The following CTNNA2 variants were observed in gnomAD, a reference collection of about 807,000 sequenced individuals.
The protein encoded by CTNNA2 is catenin alpha 2.
CTNNA2 carries 42 observed loss-of-function variants against 101.0 expected under a neutral mutation model. The ratio of observed to expected loss-of-function variants is 0.42; its 90% CI spans 0.32 to 0.54. The LOEUF (loss-of-function observed/expected upper bound fraction) is 0.54, where lower values mean the gene tolerates loss of function less well. Among genes scored for constraint, CTNNA2 ranks in the 20% least tolerant of loss-of-function variants. The probability of loss-of-function intolerance (pLI) is 0.14; values close to 1 mark genes in which losing one functional copy is unlikely to be tolerated. For synonymous variants in CTNNA2, 450 were observed against 456.4 expected (o/e 0.99, Z 0.18); for missense variants, 871 against 1,223.1 (o/e 0.71, Z 4.29).
intron 2 of CTNNA2, among the ~76,000 whole-genome samples, chr2:79,293,518 A>G (rs1401195369): frequency 6.6e-6 from 1 of 152,216 alleles, no homozygotes; most frequent in African/African-American, 2.4e-5. Context: ...CAAATCAAAT[A>G]AGTACATAGA....
intron 1 of CTNNA2, among the ~76,000 whole-genome samples, chr2:79,635,796 G>A (rs1205405168): frequency 6.6e-6 from 1 of 151,514 alleles, no homozygotes; most frequent in African/African-American, 2.4e-5. Flanking sequence ...GAGCCACCGT[G>A]CCCGGCCAAT....
intron 12 of CTNNA2, among the ~76,000 whole-genome samples, chr2:80,569,170 C>G (rs12328146): frequency 1.8e-4 from 28 of 152,292 alleles, no homozygotes; most frequent in African/African-American, 6.5e-4. Context: ...CCTGACGTCT[C>G]TCAGGAGAAT....
chr2:79,720,514 A>G (rs926719235), intron 2 of CTNNA2, among the ~76,000 whole-genome samples: 1 of 152,110 alleles, frequency 6.6e-6, no homozygotes, highest in Non-Finnish European at 1.5e-5. Flanking sequence ...TAATTCTTCC[A>G]ATCTATAAAC....
chr2:80,018,231 C>G (rs1237889762), intron 7 of CTNNA2, among the ~76,000 whole-genome samples: 1 of 152,166 alleles, frequency 6.6e-6, no homozygotes, highest in Admixed American at 6.5e-5. Flanking sequence ...AAGATACCTC[C>G]TGTCTCAAAA....
At chr2:80,317,016 C>T (rs76831677) in intron 7 of CTNNA2, among the ~76,000 whole-genome samples, 6,429 of 151,974 alleles carry the variant, frequency 0.042, 185 homozygotes, top group Middle Eastern at 0.075. Context: ...TGAGTTGACA[C>T]CTGAATGATG....
At chr2:80,182,895 C>A (rs1017963975) in intron 7 of CTNNA2, among the ~76,000 whole-genome samples, 1 of 152,110 alleles carries the variant, frequency 6.6e-6, no homozygotes, top group Non-Finnish European at 1.5e-5. Flanking sequence ...AAGGGCAAGG[C>A]GTTGACCCAA....
chr2:79,627,280 G>T (rs1558782658), intron 1 of CTNNA2, among the ~76,000 whole-genome samples: 1 of 152,178 alleles, frequency 6.6e-6, no homozygotes, highest in South Asian at 2.1e-4. Flanking sequence ...TTTCTATTTT[G>T]CTATAAACCA....
At chr2:79,327,945 T>C (rs985731028) in intron 3 of CTNNA2, among the ~76,000 whole-genome samples, 1 of 151,812 alleles carries the variant, frequency 6.6e-6, no homozygotes, top group Non-Finnish European at 1.5e-5. Flanking sequence ...AATGAGTCTA[T>C]GTCACAAAGA....
At chr2:80,552,458 C>A (rs1198886379) in intron 11 of CTNNA2, among the ~76,000 whole-genome samples, 1 of 152,156 alleles carries the variant, frequency 6.6e-6, no homozygotes, top group Non-Finnish European at 1.5e-5. Context: ...GTCTGCCATC[C>A]ATCAATATAA....
rs1692605399 is a variant in CTNNA2 at position 79,997,132 on chromosome 2, C to A, written c.1056+87335C>A. Among the ~76,000 whole-genome samples the A allele has an allele frequency of 1.3e-5, 2 of 152,116 alleles. 1 individual carries two copies. The highest frequency in any genetic ancestry group is 4.1e-4 in the South Asian group (2 of 4,826). On this transcript the variant is annotated intron_variant, in intron 7 of 18. Coordinates refer to ENST00000402739, the MANE Select transcript of CTNNA2 (RefSeq NM_001282597.3). The stretch of plus-strand genomic sequence containing the variant: ...ATAAGTCTCTTGAAAGGCACCAAAA[C>A]CCCCTTTTGGGTGCATCTCTGCTAA...
chr2:80,535,187 A>G (rs1029364825), intron 9 of CTNNA2, among the ~76,000 whole-genome samples: 4 of 152,138 alleles, frequency 2.6e-5, no homozygotes, highest in African/African-American at 4.8e-5. Context: ...ACTCATCACA[A>G]TATAAACTTT....
At chr2:79,628,138 T>G (rs1047185748) in intron 1 of CTNNA2, among the ~76,000 whole-genome samples, 2 of 152,156 alleles carry the variant, frequency 1.3e-5, no homozygotes, top group African/African-American at 4.8e-5. Context: ...AACGTGTTTT[T>G]TAAACACTCA....
chr2:79,232,853 A>G (rs1674513040), intron 2 of CTNNA2, among the ~76,000 whole-genome samples: 1 of 151,958 alleles, frequency 6.6e-6, no homozygotes, highest in Non-Finnish European at 1.5e-5. Flanking sequence ...ATCCCCGAGG[A>G]TATTTCGTAT....
intron 7 of CTNNA2, among the ~76,000 whole-genome samples, chr2:80,114,480 C>G (rs1233949317): frequency 2.0e-5 from 3 of 152,174 alleles, no homozygotes; most frequent in Non-Finnish European, 4.4e-5. Context: ...TGTGTTCCAG[C>G]CTCGTGGCCA....
At chr2:80,451,482 G>A (rs1192699242) in intron 9 of CTNNA2, among the ~76,000 whole-genome samples, 1 of 152,130 alleles carries the variant, frequency 6.6e-6, no homozygotes, top group Non-Finnish European at 1.5e-5. Context: ...CTAATCTCAA[G>A]GAGTTCTTTA....
Position 80,597,410 on chromosome 2 carries a change from G to A in CTNNA2, c.2190-6664G>A, listed in dbSNP as rs569663014. Among the ~76,000 whole-genome samples, 21 of 152,082 alleles carry A rather than the reference G, an allele frequency of 1.4e-4. No homozygotes were observed. In the South Asian group the frequency reaches 1.5e-3, roughly 11 times the overall value. On this transcript the variant is annotated intron_variant, in intron 15 of 18. Coordinates refer to ENST00000402739, the MANE Select transcript of CTNNA2 (RefSeq NM_001282597.3). ...AGGCACAACCATTCAGGACATAGGC[G>A]TGGGCAAAGACTTCATGACTAAAAC... is the stretch of plus-strand genomic sequence containing the variant.
At chr2:80,034,355 T>TTTC (rs199502369) in intron 7 of CTNNA2, among the ~76,000 whole-genome samples, 40 of 21,670 alleles carry the variant, frequency 1.8e-3, no homozygotes, top group Non-Finnish European at 3.2e-3. Context: ...TTTTTTTTTC[T>TTTC]TTTTTTTTTT....
chr2:79,533,417 G>A (rs1418219914), intron 1 of CTNNA2, among the ~76,000 whole-genome samples: 5 of 151,998 alleles, frequency 3.3e-5, no homozygotes, highest in African/African-American at 7.3e-5. Flanking sequence ...GAAGTGAATG[G>A]TAGTTTATAG....
intron 7 of CTNNA2, among the ~76,000 whole-genome samples, chr2:80,308,727 T>C (rs1677259114): frequency 6.6e-6 from 1 of 152,138 alleles, no homozygotes; most frequent in African/African-American, 2.4e-5. Context: ...CTATGAATGA[T>C]GTAAATGATG....
Sources: allele counts gnomAD v4.1 joint callset (sites outside exome capture counted in the v4.1 genomes callset), GRCh38; gene constraint gnomAD v4.1.1; transcripts MANE v1.5; gene names NCBI Gene and HGNC (gene_info 2026-07-23, HGNC 2026-07-21).